Variants in TTC28 observed in about 807,000 individuals in gnomAD.
TTC28 encodes tetratricopeptide repeat domain 28.
A neutral mutation model predicts 198.0 loss-of-function variants in TTC28; 61 were observed. The observed-to-expected ratio is 0.31, with a 90% CI of 0.25 to 0.38. TTC28 has a LOEUF of 0.38. TTC28 is among the 10% of genes least tolerant of loss of function. TTC28 has a pLI of 1.00. For synonymous variants in TTC28, 1,171 were observed against 1,297.8 expected (o/e 0.90, Z 2.10); for missense variants, 2,678 against 3,164.0 (o/e 0.85, Z 3.69).
intron 6 of TTC28, among the ~76,000 whole-genome samples, chr22:28,155,052 C>T (rs1943721611): frequency 6.6e-6 from 1 of 152,178 alleles, no homozygotes. Flanking sequence ...CTGGATTCCC[C>T]CGACCCTCTG....
intron 2 of TTC28, among the ~76,000 whole-genome samples, chr22:28,444,614 A>C (rs2146238123): frequency 6.6e-6 from 1 of 152,268 alleles, no homozygotes; most frequent in Middle Eastern, 3.4e-3. Flanking sequence ...AAGGTCTTAC[A>C]GTTCCATTTT....
intron 3 of TTC28, 64 bp downstream of exon 3, chr22:28,306,432 C>G: frequency 8.0e-6 from 12 of 1,504,376 alleles, no homozygotes; most frequent in Non-Finnish European, 1.1e-5. Context: ...AGCCTAAAGT[C>G]TTGGAAGGCT....
Position 27,993,425 on chromosome 22 carries a change from C to T in TTC28, c.5338G>A (p.Gly1780Ser), listed in dbSNP as rs1375596850. The T allele has an allele frequency of 6.4e-7, 1 of 1,551,366 alleles. No individual in the cohort carries two copies. The highest frequency in any genetic ancestry group is 2.4e-5 in the East Asian group (1 of 40,926). The change falls in exon 18 of 23, where the codon GGC becomes AGC. Residue 1780 changes from glycine (G) to serine (S), a missense_variant. Gly to Ser is a moderately conservative substitution (Grantham distance 56). Around this residue, in one of 8 missense-constraint regions of TTC28, gnomAD observed 314 missense variants for 442.7 expected, o/e 0.71. Transcript: ENST00000397906. Reference sequence around the variant, plus strand: ...ACAGCGGTGAGGAGGGCCTGCCAGCCAGGGATGCCGCCCACTTTGTTCTCC... The same window carrying T: ...ACAGCGGTGAGGAGGGCCTGCCAGCTAGGGATGCCGCCCACTTTGTTCTCC... ...SVENKVGGIP[G>S]WQALLTAVGF...
chr22:28,293,766 C>A (rs997144635), intron 5 of TTC28, among the ~76,000 whole-genome samples: 1 of 151,948 alleles, frequency 6.6e-6, no homozygotes, highest in Non-Finnish European at 1.5e-5. Flanking sequence ...ATTCCAGAAG[C>A]AAACACAATA....
chr22:28,578,263 CTTCAG>C (rs2050181253), intron 2 of TTC28, among the ~76,000 whole-genome samples: 1 of 151,964 alleles, frequency 6.6e-6, no homozygotes, highest in African/African-American at 2.4e-5. Flanking sequence ...AAACTCTACA[CTTCAG>C]TTCCTCAATT....
intron 12 of TTC28, among the ~76,000 whole-genome samples, chr22:28,034,449 G>A (rs111361872): frequency 5.9e-5 from 9 of 152,298 alleles, no homozygotes; most frequent in African/African-American, 1.2e-4. Flanking sequence ...CCACACGATC[G>A]ATTTCTCCTT....
intron 1 of TTC28, among the ~76,000 whole-genome samples, chr22:28,652,955 T>C (rs2051586531): frequency 6.6e-6 from 1 of 152,220 alleles, no homozygotes; most frequent in Non-Finnish European, 1.5e-5. Context: ...TTTCCTGTTC[T>C]GAAAGGTTTT....
intron 2 of TTC28, among the ~76,000 whole-genome samples, chr22:28,309,515 G>C (rs1321397741): frequency 6.6e-6 from 1 of 152,184 alleles, no homozygotes; most frequent in Non-Finnish European, 1.5e-5. Flanking sequence ...GTTTATCCAA[G>C]CTTCAGGAAA....
chr22:28,346,701 G>A (rs1440196813), intron 2 of TTC28, among the ~76,000 whole-genome samples: 1 of 152,112 alleles, frequency 6.6e-6, no homozygotes, highest in Admixed American at 6.5e-5. Flanking sequence ...TCTCTGTAAC[G>A]CAAGACTCTT....
intron 2 of TTC28, among the ~76,000 whole-genome samples, chr22:28,360,607 A>G (rs767562961): frequency 2.0e-5 from 3 of 152,184 alleles, no homozygotes; most frequent in Non-Finnish European, 4.4e-5. Context: ...CAGAAACATT[A>G]ATTTTCTTTT....
intron 2 of TTC28, among the ~76,000 whole-genome samples, chr22:28,490,257 T>C (rs1047883325): frequency 1.3e-5 from 2 of 152,198 alleles, no homozygotes; most frequent in Non-Finnish European, 2.9e-5. Context: ...TTAACCATCA[T>C]ACTAGGTTAC....
At position 27,978,880 on chromosome 22, in the gene TTC28, T is replaced by G. The variant is rs1936929099; in HGVS notation, c.*3341A>C. ...GGCTTATAGTCATTGTATTTACATCTGATGGAGTAGCAGAGGGTGGGGCAT... is the reference window on the plus strand; with the variant it reads ...GGCTTATAGTCATTGTATTTACATCGGATGGAGTAGCAGAGGGTGGGGCAT... On this transcript the variant is annotated 3_prime_UTR_variant, in exon 23 of 23. Transcript: ENST00000397906. The G allele has an allele frequency of 6.6e-6, 1 of 152,254 alleles. No individual in the cohort carries two copies. The highest frequency in any genetic ancestry group is 2.4e-5 in the African/African-American group (1 of 41,460). The allele number at this position is 152,254 out of a possible 1,614,324, so 9.4% of individuals were successfully genotyped here. A position where few individuals can be genotyped will look rare whatever the true frequency, so the allele number is the denominator to read the frequency against.
At chr22:28,034,787 G>A (rs1322906644) in intron 12 of TTC28, among the ~76,000 whole-genome samples, 1 of 152,188 alleles carries the variant, frequency 6.6e-6, no homozygotes, top group Non-Finnish European at 1.5e-5. Context: ...GCAGTCCAGA[G>A]GCAGGCAGTA....
At chr22:28,477,629 G>C (rs1311140736) in intron 2 of TTC28, among the ~76,000 whole-genome samples, 1 of 152,186 alleles carries the variant, frequency 6.6e-6, no homozygotes, top group Non-Finnish European at 1.5e-5. Context: ...ATTTGTGGTA[G>C]ATAGATTGCA....
At chr22:28,380,627 G>A (rs771184323) in intron 2 of TTC28, among the ~76,000 whole-genome samples, 9 of 152,058 alleles carry the variant, frequency 5.9e-5, no homozygotes, top group Non-Finnish European at 1.2e-4. Flanking sequence ...AAAAAAGCAT[G>A]TTTTTTCTTC....
At chr22:28,479,602 G>C (rs866157866) in intron 2 of TTC28, among the ~76,000 whole-genome samples, 3 of 152,126 alleles carry the variant, frequency 2.0e-5, no homozygotes, top group Non-Finnish European at 2.9e-5. Context: ...CTAGTTATTA[G>C]AGCTGATTAA....
intron 5 of TTC28, among the ~76,000 whole-genome samples, chr22:28,216,060 C>T (rs1403141985): frequency 1.3e-5 from 2 of 152,172 alleles, no homozygotes; most frequent in East Asian, 3.9e-4. Flanking sequence ...GCATTTGAGA[C>T]ACAATTGCCT....
chr22:28,350,103 A>ATC lies in TTC28; in HGVS notation c.382-43462_382-43461dup, dbSNP rs145481125. ...AGCACTGGAGAGAAACAGGTCCATT[A>ATC]TCTCTCACCTTTCTTTGTCCCTTCC... On this transcript the variant is annotated intron_variant, in intron 2 of 22. Transcript: ENST00000397906. Among the ~76,000 whole-genome samples the ATC allele has an allele frequency of 2.6e-5, 4 of 152,366 alleles. No individual in the cohort carries two copies. The East Asian group carries it at 7.7e-4, about 29-fold the overall frequency.
rs2046410883 is a variant in TTC28, at chr22:28,376,505, A to G, written c.382-69862T>C. 2.6e-5 allele frequency among the ~76,000 whole-genome samples: 4 copies of G among 152,212 alleles called. No homozygotes were observed. In the South Asian group the frequency reaches 6.2e-4, roughly 24 times the overall value. ...TAACAGGGCAAGATTAACATACCTA[A>G]TAACTTAAACAACTATAAAATTCAG... On this transcript the variant is annotated intron_variant, in intron 2 of 22. Transcript: ENST00000397906.
Sources: gnomAD v4.1 joint callset for allele counts (sites outside exome capture counted in the v4.1 genomes callset) on GRCh38, gnomAD v4.1.1 for gene constraint, gnomAD v4.1.1 regional missense constraint, MANE v1.5 for transcripts, NCBI Gene and HGNC (gene_info 2026-07-23, HGNC 2026-07-21) for gene names.